Variants in DMXL2 observed in about 807,000 individuals in gnomAD.
DMXL2 encodes dmX-like protein 2.
In DMXL2, 103 loss-of-function variants were observed where a neutral mutation model predicts 331.1. The ratio of observed to expected loss-of-function variants is 0.31; its 90% CI spans 0.27 to 0.37. DMXL2 has a LOEUF of 0.37. Ranked by LOEUF, DMXL2 falls within the 10% of genes least tolerant of loss-of-function variation. The pLI, the probability that DMXL2 is intolerant of heterozygous loss-of-function variation, is 1.00. For missense variants in DMXL2, 3,171 were observed against 3,642.9 expected, an observed-to-expected ratio of 0.87 and a Z score of 3.33; for synonymous variants, 1,281 against 1,252.1, an observed-to-expected ratio of 1.02 and a Z score of -0.49.
intron 18 of DMXL2, 30 bp from the exon 19 acceptor site, chr15:51,495,164 GA>G: frequency 4.1e-6 from 6 of 1,480,320 alleles, no homozygotes; most frequent in South Asian, 2.3e-5. Context: ...TATGTTTAAG[GA>G]AAAAAGAATG....
At chr15:51,462,886 C>CAA in intron 33 of DMXL2, among the ~76,000 whole-genome samples, 7 of 152,192 alleles carry the variant, frequency 4.6e-5, no homozygotes. Flanking sequence ...CTCTGTCTTG[C>CAA]TTTGTAAGAG....
In DMXL2 at chr15:51,576,095, G is replaced by C. The variant is rs1296734949; in HGVS notation, c.174C>G (p.Ile58Met). ...QIIPGAKHGN[I>M]QVSCVECSNQ... ...TAGAACACTCCACACAGCTGACTTGGATGTTTCCATGCTTAGCACCAGGAA... is the reference window on the plus strand; with the variant it reads ...TAGAACACTCCACACAGCTGACTTGCATGTTTCCATGCTTAGCACCAGGAA... The change falls in exon 2 of 44, where the codon ATC (isoleucine) becomes ATG (methionine). Residue 58 changes from isoleucine to methionine, a missense_variant. Ile to Met is a conservative substitution (Grantham distance 10). Coordinates refer to ENST00000560891, the MANE Select transcript of DMXL2 (RefSeq NM_001378457.1). 1 of 1,573,840 alleles carries C rather than the reference G, an allele frequency of 6.4e-7. No homozygotes were observed. The highest frequency in any genetic ancestry group is 1.7e-5 in the Admixed American group (1 of 57,172).
At chr15:51,614,222 C>T (rs948408128) in intron 1 of DMXL2, among the ~76,000 whole-genome samples, 10 of 152,136 alleles carry the variant, frequency 6.6e-5, no homozygotes, top group African/African-American at 2.4e-4. Context: ...TCCAGATAAA[C>T]CAAATCTGCT....
At chr15:51,514,297 C>A in intron 15 of DMXL2, 145 bp downstream of exon 15, 2 of 551,822 alleles carry the variant, frequency 3.6e-6, no homozygotes, top group Non-Finnish European at 6.3e-6. Flanking sequence ...TCTTCATCTA[C>A]AAGCAAGCAA....
intron 6 of DMXL2, among the ~76,000 whole-genome samples, chr15:51,548,172 C>T (rs1343311850): frequency 6.6e-6 from 1 of 152,096 alleles, no homozygotes; most frequent in Non-Finnish European, 1.5e-5. Context: ...CAGAAACTAT[C>T]TTTTATAGTG....
In DMXL2 at chr15:51,480,235, A is replaced by G. The variant is rs2041910380; in HGVS notation, c.6565-96T>C. 9.0e-6 allele frequency: 11 copies of G among 1,229,022 alleles called. No individual in the cohort carries two copies. The Admixed American group carries it at 1.9e-4, about 22-fold the overall frequency. 76.1% of individuals were successfully genotyped at this position (1,229,022 alleles called of 1,614,324 possible). On this transcript the variant is annotated intron_variant, in intron 24 of 43. Coordinates refer to ENST00000560891, the MANE Select transcript of DMXL2 (RefSeq NM_001378457.1). ...TGGTGATAAACATTGTGTAAAGGGA[A>G]TATGTTCGCTCACTCATTCTACACA...
At position 51,481,172 on chromosome 15, in the gene DMXL2, C is replaced by G; in HGVS notation, c.5934G>C (p.Trp1978Cys). The change falls in exon 24 of 44, where the codon TGG (tryptophan) becomes TGC (cysteine). Residue 1978 changes from tryptophan (W) to cysteine (C), a missense_variant. Around this residue, in one of 7 missense-constraint regions of DMXL2, gnomAD observed 244 missense variants for 251.4 expected, o/e 0.97. Transcript: ENST00000560891. ...KVDEEPLNLD[W>C]GEDHDSALDE... ...CTAAGGCACTGTCGTGATCTTCACC[C>G]CAATCAAGATTAAGAGGTTCCTCAT... The G allele has an allele frequency of 6.2e-7, 1 of 1,613,788 alleles. No individual in the cohort carries two copies. The highest frequency in any genetic ancestry group is 1.1e-5 in the South Asian group (1 of 91,006).
intron 2 of DMXL2, among the ~76,000 whole-genome samples, chr15:51,572,888 C>T (rs1439648197): frequency 6.6e-6 from 1 of 152,142 alleles, no homozygotes; most frequent in Non-Finnish European, 1.5e-5. Flanking sequence ...GACAAGGATG[C>T]CCTCTCTCAA....
intron 1 of DMXL2, among the ~76,000 whole-genome samples, chr15:51,617,980 TAAAC>T (rs1301010477): frequency 6.6e-6 from 1 of 152,218 alleles, no homozygotes; most frequent in African/African-American, 2.4e-5. Context: ...TGTATCCGTT[TAAAC>T]AAACAAGAAG....
chr15:51,516,506 C>T (rs2047044138), intron 14 of DMXL2, among the ~76,000 whole-genome samples: 1 of 152,194 alleles, frequency 6.6e-6, no homozygotes, highest in African/African-American at 2.4e-5. Flanking sequence ...AATGAGAAAC[C>T]ACAACCCGAC....
intron 33 of DMXL2, chr15:51,460,210 G>A: frequency 3.0e-6 from 3 of 985,802 alleles, no homozygotes; most frequent in Non-Finnish European, 3.6e-6. Context: ...TCCTAAGGAT[G>A]GCTGCAATCA....
At chr15:51,509,215 G>A (rs1278174896) in intron 15 of DMXL2, among the ~76,000 whole-genome samples, 1 of 151,502 alleles carries the variant, frequency 6.6e-6, no homozygotes, top group Middle Eastern at 3.4e-3. Flanking sequence ...ACTTGCTCTA[G>A]AACTGAAGGA....
rs773020659 is a variant in DMXL2 at position 51,481,171 on chromosome 15, C to G, written c.5935G>C (p.Gly1979Arg). Reference protein sequence around the residue: ...VDEEPLNLDWGEDHDSALDEE... With the variant: ...VDEEPLNLDWREDHDSALDEE... Reference sequence around the variant, plus strand: ...TCTAAGGCACTGTCGTGATCTTCACCCCAATCAAGATTAAGAGGTTCCTCA... The same window carrying G: ...TCTAAGGCACTGTCGTGATCTTCACGCCAATCAAGATTAAGAGGTTCCTCA... Residue 1979 changes from glycine to arginine, a missense_variant, in exon 24 of 44, where the codon GGT becomes CGT. By Grantham distance (125) the Gly-to-Arg change is moderately radical (BLOSUM62 -2). Transcript: ENST00000560891. The G allele has an allele frequency of 7.4e-6, 12 of 1,613,752 alleles. No individual in the cohort carries two copies. In the South Asian group the frequency reaches 1.3e-4, roughly 18 times the overall value.
In DMXL2 at chr15:51,471,209, C is replaced by T; in HGVS notation, c.7392+14G>A. 1.2e-6 allele frequency: 2 copies of T among 1,604,934 alleles called. No individual in the cohort carries two copies. Among genetic ancestry groups the T allele is most frequent in the Non-Finnish European group, 1.7e-6 (2 of 1,174,230 alleles). On this transcript the variant is annotated intron_variant, in intron 29 of 43. Coordinates refer to ENST00000560891, the MANE Select transcript of DMXL2 (RefSeq NM_001378457.1). The stretch of plus-strand genomic sequence containing the variant: ...TAGACTTCTCTTAAAGCTTGCATTC[C>T]TCACACTCCTTACCTTTGCAACAAA...
chr15:51,557,344 C>A (rs1709723281), intron 6 of DMXL2, among the ~76,000 whole-genome samples: 1 of 151,936 alleles, frequency 6.6e-6, no homozygotes, highest in Non-Finnish European at 1.5e-5. Flanking sequence ...GGGATCTTCA[C>A]AGATAAAATT....
chr15:51,450,667 A>G (rs925291864), intron 42 of DMXL2: 4 of 350,834 alleles, frequency 1.1e-5, no homozygotes, highest in Non-Finnish European at 2.2e-5. Flanking sequence ...AAAGTTGGTG[A>G]GTATTAACCC....
intron 1 of DMXL2, among the ~76,000 whole-genome samples, chr15:51,606,911 C>A (rs929740895): frequency 6.6e-5 from 10 of 152,188 alleles, no homozygotes; most frequent in African/African-American, 2.4e-4. Context: ...GTAATCCCAG[C>A]ACTTTCGGAG....
chr15:51,540,001 T>C (rs1000029669), intron 9 of DMXL2, among the ~76,000 whole-genome samples: 4 of 152,218 alleles, frequency 2.6e-5, no homozygotes, highest in East Asian at 1.9e-4. Context: ...TGGATGACTA[T>C]TCTGGTTTTG....
rs1481033024 is a variant in DMXL2 at position 51,508,851 on chromosome 15, A to G, written c.2645-1598T>C. On this transcript the variant is annotated intron_variant, in intron 15 of 43. Coordinates refer to ENST00000560891, the MANE Select transcript of DMXL2 (RefSeq NM_001378457.1). The stretch of plus-strand genomic sequence containing the variant: ...TTTACAGATGCTTTCCAGCTAATAA[A>G]TAAATGAGAACTGATAAAATTGGAA... Among the ~76,000 whole-genome samples, 3 of 152,344 alleles carry G rather than the reference A, an allele frequency of 2.0e-5. No individual in the cohort carries two copies. In the East Asian group the frequency reaches 5.8e-4, roughly 29 times the overall value.
Sources: gnomAD v4.1 joint callset for allele counts (sites outside exome capture counted in the v4.1 genomes callset) on GRCh38, gnomAD v4.1.1 for gene constraint, gnomAD v4.1.1 regional missense constraint, MANE v1.5 for transcripts, NCBI Gene and HGNC (gene_info 2026-07-23, HGNC 2026-07-21) for gene names.